Variants in GPD2 observed in about 807,000 individuals in gnomAD.
GPD2 encodes the protein glycerol-3-phosphate dehydrogenase, mitochondrial.
GPD2 carries 54 observed loss-of-function variants against 82.4 expected under a neutral mutation model. The observed-to-expected ratio is 0.66, with a 90% CI of 0.53 to 0.82. The LOEUF (loss-of-function observed/expected upper bound fraction) is 0.82. GPD2 is among the 40% of genes least tolerant of loss of function. The probability of loss-of-function intolerance (pLI) is 0.00; values close to 1 mark genes in which losing one functional copy is unlikely to be tolerated. For missense variants in GPD2, 748 were observed against 896.2 expected, an observed-to-expected ratio of 0.83 and a Z score of 2.11; for synonymous variants, 288 against 306.1, an observed-to-expected ratio of 0.94 and a Z score of 0.62.
chr2:156,523,549 C>T (rs1685490971), intron 6 of GPD2, among the ~76,000 whole-genome samples: 1 of 152,146 alleles, frequency 6.6e-6, no homozygotes, highest in African/African-American at 2.4e-5. Context: ...CTCATTTCCC[C>T]TTTCCCCCAC....
Position 156,440,004 on chromosome 2 carries a change from C to A in GPD2, c.-9+3491C>A, listed in dbSNP as rs529526974. The stretch of plus-strand genomic sequence containing the variant: ...TTGAGACCCCTCAACCCGCTAAATT[C>A]AAAATTGTTACTTGGGAGATAGAGA... On this transcript the variant is annotated intron_variant, in intron 1 of 16. Coordinates refer to ENST00000438166, the MANE Select transcript of GPD2 (RefSeq NM_000408.5). Among the ~76,000 whole-genome samples, 11 of 152,106 alleles carry A rather than the reference C, an allele frequency of 7.2e-5. No individual in the cohort carries two copies. The South Asian group carries it at 2.3e-3, about 32-fold the overall frequency.
At chr2:156,565,837 G>A (rs199755154) in intron 9 of GPD2, among the ~76,000 whole-genome samples, 1 of 82,044 alleles carries the variant, frequency 1.2e-5, no homozygotes, top group Non-Finnish European at 2.5e-5. Context: ...GCATGGTTTT[G>A]TTTTATTTTG....
rs755225723 is a variant in GPD2 at position 156,584,249 on chromosome 2, C to T, written c.*1331C>T. 4 of 151,948 alleles carry T rather than the reference C, an allele frequency of 2.6e-5. No individual in the cohort carries two copies. The highest frequency in any genetic ancestry group is 5.9e-5 in the Non-Finnish European group (4 of 67,930). 9.4% of individuals were successfully genotyped at this position (151,948 alleles called of 1,614,324 possible). A position where few individuals can be genotyped will look rare whatever the true frequency, so the allele number is the denominator to read the frequency against. On this transcript the variant is annotated 3_prime_UTR_variant, in exon 17 of 17. Transcript: ENST00000438166. ...TCTGAATATTTATTAATCGTACTTCCTCTTGTAAAGTTAACTACTTACTTT... is the reference window on the plus strand; with the variant it reads ...TCTGAATATTTATTAATCGTACTTCTTCTTGTAAAGTTAACTACTTACTTT...
chr2:156,401,986 C>A, the GPD2 span, among the ~76,000 whole-genome samples: 1 of 152,046 alleles, frequency 6.6e-6, no homozygotes, highest in African/African-American at 2.4e-5. Flanking sequence ...TTTCCAGATT[C>A]TTTGGTCAAG....
chr2:156,579,658 A>G, intron 15 of GPD2, 32 bp from the exon 16 acceptor site: 1 of 1,039,576 alleles, frequency 9.6e-7, no homozygotes, highest in Non-Finnish European at 1.5e-6. Context: ...TTTTAATCAA[A>G]CTGTATTATT....
At chr2:156,478,682 A>G (rs1490509381) in intron 2 of GPD2, among the ~76,000 whole-genome samples, 1 of 152,168 alleles carries the variant, frequency 6.6e-6, no homozygotes, top group African/African-American at 2.4e-5. Context: ...GTCAAAAAAA[A>G]ATCTGCCCTT....
chr2:156,512,173 T>C (rs766512303), intron 4 of GPD2, 47 bp from the exon 5 acceptor site: 5 of 915,222 alleles, frequency 5.5e-6, no homozygotes, highest in African/African-American at 4.9e-5. Flanking sequence ...TTTGAAAATA[T>C]TATGATCTGT....
intron 2 of GPD2, among the ~76,000 whole-genome samples, chr2:156,493,958 G>GTA (rs71402357): frequency 0.34 from 48,071 of 143,260 alleles, 8,915 homozygotes; most frequent in Middle Eastern, 0.45. Flanking sequence ...GTGTGTGTGT[G>GTA]TATAATTTTT....
At chr2:156,577,570 A>T (rs533480530) in intron 13 of GPD2, among the ~76,000 whole-genome samples, 1 of 152,324 alleles carries the variant, frequency 6.6e-6, no homozygotes, top group Admixed American at 6.5e-5. Context: ...AACACAGTTC[A>T]TGCAAGTGTA....
At chr2:156,457,594 G>A (rs910883529) in intron 1 of GPD2, among the ~76,000 whole-genome samples, 20 of 152,198 alleles carry the variant, frequency 1.3e-4, no homozygotes, top group African/African-American at 4.3e-4. Context: ...AGAAGAGGCC[G>A]CCTGCCTGTG....
chr2:156,438,145 C>T (rs1043855879), intron 1 of GPD2, among the ~76,000 whole-genome samples: 1 of 152,086 alleles, frequency 6.6e-6, no homozygotes, highest in African/African-American at 2.4e-5. Flanking sequence ...TTGTAATACA[C>T]CCTCAATAAA....
intron 9 of GPD2, among the ~76,000 whole-genome samples, chr2:156,565,631 T>A (rs1276035464): frequency 6.6e-6 from 1 of 152,130 alleles, no homozygotes; most frequent in Non-Finnish European, 1.5e-5. Flanking sequence ...TGATTAAACA[T>A]CCTGTAGAGG....
intron 2 of GPD2, among the ~76,000 whole-genome samples, chr2:156,484,966 T>C (rs893609932): frequency 6.6e-6 from 1 of 152,234 alleles, no homozygotes; most frequent in African/African-American, 2.4e-5. Flanking sequence ...TCTCTGCTTC[T>C]ATGAGTTCGA....
At chr2:156,430,279 T>C in the GPD2 span, among the ~76,000 whole-genome samples, 3 of 152,226 alleles carry the variant, frequency 2.0e-5, no homozygotes, top group Admixed American at 2.0e-4. Flanking sequence ...AGGTGTGGTG[T>C]CTTCAGCATA....
At chr2:156,570,887 C>T (rs989297113) in intron 12 of GPD2, among the ~76,000 whole-genome samples, 10 of 152,138 alleles carry the variant, frequency 6.6e-5, no homozygotes, top group Non-Finnish European at 1.5e-4. Context: ...CATGTTTATG[C>T]CAGGTTCTAT....
chr2:156,429,234 A>G, the GPD2 span, among the ~76,000 whole-genome samples: 1 of 152,220 alleles, frequency 6.6e-6, no homozygotes, highest in African/African-American at 2.4e-5. Flanking sequence ...TGGGTTATTT[A>G]CCATTGGTTC....
chr2:156,514,396 A>G (rs992842436), intron 6 of GPD2, among the ~76,000 whole-genome samples: 1 of 151,944 alleles, frequency 6.6e-6, no homozygotes, highest in African/African-American at 2.4e-5. Flanking sequence ...CTTAGATTTT[A>G]TACCTCAGTG....
In GPD2 at chr2:156,516,529, T is replaced by G. The variant is rs539026525; in HGVS notation, c.661+3033T>G. On this transcript the variant is annotated intron_variant, in intron 6 of 16. Coordinates refer to ENST00000438166, the MANE Select transcript of GPD2 (RefSeq NM_000408.5). ...TCATAGCTTCCCACAGCCTCTAATCTCCGGGGCTCAAGCAATCCTCCTGCC... is the reference window on the plus strand; with the variant it reads ...TCATAGCTTCCCACAGCCTCTAATCGCCGGGGCTCAAGCAATCCTCCTGCC... 5.9e-5 allele frequency among the ~76,000 whole-genome samples: 9 copies of G among 152,280 alleles called. No homozygotes were observed. In the East Asian group the frequency reaches 1.7e-3, roughly 29 times the overall value.
intron 3 of GPD2, among the ~76,000 whole-genome samples, chr2:156,505,980 A>G (rs928356763): frequency 2.0e-5 from 3 of 152,226 alleles, no homozygotes; most frequent in African/African-American, 7.2e-5. Flanking sequence ...AGAACCTCAA[A>G]AGGCTTTTAA....
Sources: gnomAD v4.1 joint callset for allele counts (sites outside exome capture counted in the v4.1 genomes callset) on GRCh38, gnomAD v4.1.1 for gene constraint, MANE v1.5 for transcripts, NCBI Gene and HGNC (gene_info 2026-07-23, HGNC 2026-07-21) for gene names.